Variants in NRXN3 observed in about 807,000 individuals in gnomAD.
The protein encoded by NRXN3 is neurexin 3.
A neutral mutation model predicts 137.6 loss-of-function variants in NRXN3; 32 were observed. The observed-to-expected ratio is 0.23, with a 90% CI of 0.18 to 0.31. The LOEUF (loss-of-function observed/expected upper bound fraction) is 0.31, where lower values mean the gene tolerates loss of function less well. NRXN3 is among the 10% of genes least tolerant of loss of function. The probability of loss-of-function intolerance (pLI) is 1.00; values close to 1 mark genes in which losing one functional copy is unlikely to be tolerated. For synonymous variants in NRXN3, 798 were observed against 784.5 expected, an observed-to-expected ratio of 1.02 and a Z score of -0.29; for missense variants, 1,574 against 2,062.5, an observed-to-expected ratio of 0.76 and a Z score of 4.59.
In NRXN3 at chr14:78,191,819, G is replaced by A. The variant is rs544190061; in HGVS notation, c.-704+21145G>A. ...GTGGCAAGTACCACCATGCCGATGG[G>A]TCAGAGTTCCAGAAACTGGGATGAG... is the stretch of plus-strand genomic sequence containing the variant. On this transcript the variant is annotated intron_variant, in intron 1 of 20. Coordinates refer to ENST00000335750, the MANE Select transcript of NRXN3 (RefSeq NM_001330195.2). Among the ~76,000 whole-genome samples the A allele has an allele frequency of 2.1e-4, 32 of 152,284 alleles. No homozygotes were observed. In the South Asian group the frequency reaches 5.2e-3, roughly 25 times the overall value.
intron 19 of NRXN3, among the ~76,000 whole-genome samples, chr14:79,781,620 A>G (rs530863837): frequency 2.0e-5 from 3 of 152,278 alleles, no homozygotes; most frequent in African/African-American, 7.2e-5. Context: ...TTTCTTTTTC[A>G]GTCTGGAGCA....
At chr14:79,434,118 A>C (rs1335200614) in intron 15 of NRXN3, among the ~76,000 whole-genome samples, 2 of 152,208 alleles carry the variant, frequency 1.3e-5, no homozygotes, top group Non-Finnish European at 2.9e-5. Context: ...TAATCAGACA[A>C]GACTCAATAT....
At chr14:78,298,017 G>A (rs1597013001) in intron 4 of NRXN3, 157 bp downstream of exon 4, 2 of 738,454 alleles carry the variant, frequency 2.7e-6, no homozygotes, top group Non-Finnish European at 4.3e-6. Flanking sequence ...CAGTGGGGGT[G>A]GGGGCACCTT....
At chr14:79,429,097 C>G (rs964305871) in intron 15 of NRXN3, among the ~76,000 whole-genome samples, 4 of 152,104 alleles carry the variant, frequency 2.6e-5, no homozygotes, top group Admixed American at 2.6e-4. Context: ...TAATACCAGA[C>G]GCAACCTAGT....
intron 15 of NRXN3, among the ~76,000 whole-genome samples, chr14:79,305,928 A>G (rs530629838): frequency 6.6e-6 from 1 of 152,196 alleles, no homozygotes; most frequent in Non-Finnish European, 1.5e-5. Context: ...CCTGGTATCA[A>G]TGGGACTGGG....
chr14:79,520,271 C>A (rs893851410), intron 16 of NRXN3, among the ~76,000 whole-genome samples: 2 of 152,050 alleles, frequency 1.3e-5, no homozygotes, highest in Non-Finnish European at 2.9e-5. Context: ...ACGTGATTAA[C>A]AAATTTAATT....
At chr14:78,966,768 A>G (rs1268839870) in intron 12 of NRXN3, among the ~76,000 whole-genome samples, 1 of 152,222 alleles carries the variant, frequency 6.6e-6, no homozygotes, top group South Asian at 2.1e-4. Flanking sequence ...AAGATGAAAC[A>G]TAAATATTTT....
chr14:79,662,952 C>T (rs1019287935), intron 16 of NRXN3, among the ~76,000 whole-genome samples: 7 of 152,142 alleles, frequency 4.6e-5, no homozygotes, highest in Admixed American at 4.6e-4. Flanking sequence ...GGGGACACAT[C>T]CACACCATAT....
At chr14:79,406,546 A>T (rs1599820793) in intron 15 of NRXN3, among the ~76,000 whole-genome samples, 1 of 151,316 alleles carries the variant, frequency 6.6e-6, no homozygotes, top group Admixed American at 6.6e-5. Flanking sequence ...CAAGCAATTC[A>T]CCCTCCTCGG....
intron 19 of NRXN3, among the ~76,000 whole-genome samples, chr14:79,781,665 A>G (rs566811859): frequency 5.9e-5 from 9 of 152,328 alleles, no homozygotes; most frequent in Non-Finnish European, 1.0e-4. Context: ...TCTGACACCC[A>G]TTAGCATTTT....
At chr14:79,106,726 G>C (rs2052516385) in intron 15 of NRXN3, among the ~76,000 whole-genome samples, 1 of 151,986 alleles carries the variant, frequency 6.6e-6, no homozygotes, top group African/African-American at 2.4e-5. Context: ...ATTGTGTTTA[G>C]TACTTCCCTA....
chr14:79,446,499 T>C (rs1218600155), intron 15 of NRXN3, among the ~76,000 whole-genome samples: 1 of 152,162 alleles, frequency 6.6e-6, no homozygotes, highest in Non-Finnish European at 1.5e-5. Flanking sequence ...TTTTTGTTGC[T>C]CTCCACATAA....
chr14:78,201,975 A>T (rs548622078), intron 1 of NRXN3, among the ~76,000 whole-genome samples: 3 of 152,258 alleles, frequency 2.0e-5, no homozygotes, highest in African/African-American at 7.2e-5. Flanking sequence ...GACCAAGGCC[A>T]TTGAATCTAA....
intron 8 of NRXN3, among the ~76,000 whole-genome samples, chr14:78,799,634 T>C (rs897353884): frequency 4.1e-4 from 63 of 152,326 alleles, no homozygotes; most frequent in African/African-American, 1.4e-3. Context: ...ATTTTCATGC[T>C]GCTGATAAAG....
chr14:78,818,054 C>A (rs1290567547), intron 10 of NRXN3, among the ~76,000 whole-genome samples: 1 of 151,908 alleles, frequency 6.6e-6, no homozygotes, highest in Non-Finnish European at 1.5e-5. Context: ...TGTTAAATAT[C>A]AGGTTAATAG....
chr14:78,218,409 G>T (rs982679441), intron 1 of NRXN3, among the ~76,000 whole-genome samples: 14 of 151,954 alleles, frequency 9.2e-5, no homozygotes, highest in Non-Finnish European at 1.5e-4. Context: ...TTAATCTTAT[G>T]TCCTTACTAG....
chr14:78,406,912 G>T (rs2092521602), intron 4 of NRXN3, among the ~76,000 whole-genome samples: 1 of 152,146 alleles, frequency 6.6e-6, no homozygotes, highest in Non-Finnish European at 1.5e-5. Context: ...CATATACCCT[G>T]CACTCTAATA....
chr14:78,718,289 T>G (rs1371480316), intron 8 of NRXN3, among the ~76,000 whole-genome samples: 1 of 152,060 alleles, frequency 6.6e-6, no homozygotes, highest in Non-Finnish European at 1.5e-5. Context: ...TCCTTGGGGG[T>G]GAGTCCATTG....
intron 15 of NRXN3, among the ~76,000 whole-genome samples, chr14:79,385,395 T>A (rs2094584702): frequency 6.6e-6 from 1 of 151,994 alleles, no homozygotes. Flanking sequence ...GAACTCATCA[T>A]TTTTTATGGC....
Sources: gnomAD v4.1 joint callset for allele counts (sites outside exome capture counted in the v4.1 genomes callset) on GRCh38, gnomAD v4.1.1 for gene constraint, MANE v1.5 for transcripts, NCBI Gene and HGNC (gene_info 2026-07-23, HGNC 2026-07-21) for gene names.